PSMG2: variants seen among roughly 807,000 people sequenced by gnomAD.
PSMG2 encodes proteasome assembly chaperone 2, also known as CD40 ligand-activated specific transcript 3.
In PSMG2, 21 loss-of-function variants were observed where a neutral mutation model predicts 31.5. That is an observed-to-expected ratio of 0.67 (90% CI 0.47 to 0.96). The LOEUF (loss-of-function observed/expected upper bound fraction) is 0.96, where lower values mean the gene tolerates loss of function less well. PSMG2 is among the 40% of genes least tolerant of loss of function. PSMG2 has a pLI of 0.00. For synonymous variants in PSMG2, 120 were observed against 110.4 expected (o/e 1.09, Z -0.54); for missense variants, 318 against 321.2 (o/e 0.99, Z 0.08).
chr18:12,688,760 T>C (rs755382151), intron 1 of PSMG2, among the ~76,000 whole-genome samples: 24 of 152,168 alleles, frequency 1.6e-4, no homozygotes, highest in Non-Finnish European at 2.4e-4. Flanking sequence ...TTTTGAATGC[T>C]CAGTACATGG....
At chr18:12,689,268 G>A (rs2039658962) in intron 1 of PSMG2, among the ~76,000 whole-genome samples, 1 of 136,338 alleles carries the variant, frequency 7.3e-6, no homozygotes, top group African/African-American at 2.6e-5. Flanking sequence ...TTCAGAACTA[G>A]TCAAATACAG....
At chr18:12,701,662 G>A (rs967595687), upstream of PSMG2, among the ~76,000 whole-genome samples, 2 of 152,154 alleles carry the variant, frequency 1.3e-5, no homozygotes, top group African/African-American at 4.8e-5. Flanking sequence ...TCAGCATCTT[G>A]CACTCAGTCG....
intron 1 of PSMG2, chr18:12,662,057 T>C: frequency 2.8e-6 from 1 of 352,736 alleles, no homozygotes; most frequent in Non-Finnish European, 5.7e-6. Flanking sequence ...TCATGCTTCA[T>C]ACTCTGGAGG....
intron 1 of PSMG2, among the ~76,000 whole-genome samples, chr18:12,680,274 T>C (rs967126300): frequency 1.2e-4 from 18 of 152,124 alleles, no homozygotes; most frequent in African/African-American, 4.3e-4. Context: ...ACCATCAATA[T>C]GGACAAAAAA....
At position 12,683,320 on chromosome 18, in the gene PSMG2, C is replaced by G. The variant is rs538729149; in HGVS notation, c.-36-23230C>G. ...TGAGTCGAGATCGTGACACTGCACT[C>G]CAGCCTGGGCGACAGAGCGAGACCC... On this transcript the variant is annotated intron_variant, in intron 1 of 6. Transcript: ENST00000585331. Among the ~76,000 whole-genome samples, 4 of 151,382 alleles carry G rather than the reference C, an allele frequency of 2.6e-5. No individual in the cohort carries two copies. In the South Asian group the frequency reaches 8.4e-4, roughly 32 times the overall value.
chr18:12,678,288 A>C, intron 1 of PSMG2: 1 of 1,614,158 alleles, frequency 6.2e-7, no homozygotes, highest in Non-Finnish European at 8.5e-7. Flanking sequence ...TCATCGTTCA[A>C]ATCAAATACA....
At chr18:12,694,116 A>T (rs2039866067) in intron 1 of PSMG2, among the ~76,000 whole-genome samples, 2 of 152,316 alleles carry the variant, frequency 1.3e-5, no homozygotes, top group African/African-American at 4.8e-5. Context: ...TATTTATTTG[A>T]GTAACATCAA....
intron 1 of PSMG2, chr18:12,680,980 C>T (rs2039327116): frequency 3.2e-6 from 2 of 620,442 alleles, no homozygotes; most frequent in African/African-American, 3.8e-5. Flanking sequence ...GGGTGGATCA[C>T]ATGACGTCAG....
chr18:12,691,605 T>C, intron 1 of PSMG2: 2 of 689,268 alleles, frequency 2.9e-6, no homozygotes, highest in Non-Finnish European at 2.3e-6. Context: ...GTCATCATCA[T>C]CTTCTATAAG....
chr18:12,710,100 G>A (rs140736801), intron 2 of PSMG2, among the ~76,000 whole-genome samples: 1,574 of 151,942 alleles, frequency 0.01, 10 homozygotes, highest in Middle Eastern at 0.024. Flanking sequence ...CCGCCATCAC[G>A]CCCGGCTACT....
rs79891159 is a variant in PSMG2 at position 12,710,958 on chromosome 18, G to A, written c.230-1744G>A. The stretch of plus-strand genomic sequence containing the variant: ...CTACTAAAATACAAAAAATTAACCC[G>A]TTGTGACGGTGTGCATCTGAAATCC... On this transcript the variant is annotated intron_variant, in intron 2 of 6. Transcript: ENST00000317615. Among the ~76,000 whole-genome samples the A allele has an allele frequency of 8.4e-3, 1,277 of 152,136 alleles. 24 individuals are homozygous for A. The highest frequency in any genetic ancestry group is 0.03 in the African/African-American group (1,230 of 41,478).
chr18:12,673,334 C>T, intron 1 of PSMG2: 1 of 1,569,972 alleles, frequency 6.4e-7, no homozygotes, highest in Non-Finnish European at 8.6e-7. Flanking sequence ...TCCAATTAAA[C>T]ACAGGTATAA....
chr18:12,692,463 G>T (rs1440506108), intron 1 of PSMG2, among the ~76,000 whole-genome samples: 4 of 152,060 alleles, frequency 2.6e-5, no homozygotes, highest in Non-Finnish European at 4.4e-5. Context: ...GCCACACAGG[G>T]CTTTCGGTCC....
At chr18:12,724,370 T>G (rs2040456349) in intron 5 of PSMG2, 129 bp from the exon 6 acceptor site, 2 of 914,250 alleles carry the variant, frequency 2.2e-6, no homozygotes, top group Non-Finnish European at 3.1e-6. Context: ...AGATGATAAG[T>G]GATCTTATGG....
intron 1 of PSMG2, among the ~76,000 whole-genome samples, chr18:12,705,113 G>A (rs2145131580): frequency 6.6e-6 from 1 of 150,484 alleles, no homozygotes; most frequent in South Asian, 2.1e-4. Context: ...TGCCCAGTCT[G>A]GAGTGCAATG....
chr18:12,678,311 G>T (rs1410799845), intron 1 of PSMG2: 13 of 1,613,998 alleles, frequency 8.1e-6, no homozygotes, highest in African/African-American at 1.3e-5. Flanking sequence ...GGTTTCTACT[G>T]CATCAGAGGG....
chr18:12,710,801 A>G (rs1408271784), intron 2 of PSMG2, among the ~76,000 whole-genome samples: 2 of 152,170 alleles, frequency 1.3e-5, no homozygotes, highest in Non-Finnish European at 2.9e-5. Flanking sequence ...GAACCTAACA[A>G]CAAAAAGAAT....
chr18:12,718,681 A>G (rs760851662), intron 4 of PSMG2, 46 bp downstream of exon 4: 2 of 1,338,118 alleles, frequency 1.5e-6, no homozygotes, highest in East Asian at 2.4e-5. Flanking sequence ...GGTTTATACT[A>G]TGATAATTTC....
At chr18:12,712,578 G>A (rs1019307488) in intron 2 of PSMG2, 124 bp from the exon 3 acceptor site, 49 of 680,096 alleles carry the variant, frequency 7.2e-5, no homozygotes, top group African/African-American at 3.8e-4. Context: ...TATATGTTCC[G>A]TATTTTAATT....
Sources: allele counts gnomAD v4.1 joint callset (sites outside exome capture counted in the v4.1 genomes callset), GRCh38; gene constraint gnomAD v4.1.1; transcripts MANE v1.5; gene names NCBI Gene and HGNC (gene_info 2026-07-23, HGNC 2026-07-21).